The following PDE3A variants were observed in gnomAD, a reference collection of about 807,000 sequenced individuals.
The protein encoded by PDE3A is cGMP-inhibited 3',5'-cyclic phosphodiesterase 3A.
Under a neutral mutation model 98.3 loss-of-function variants are expected in PDE3A, and 43 were observed. The observed-to-expected ratio is 0.44, with a 90% CI of 0.34 to 0.56. The LOEUF (loss-of-function observed/expected upper bound fraction) is 0.56. Among genes scored for constraint, PDE3A ranks in the 20% least tolerant of loss-of-function variants. The pLI is 0.01. For synonymous variants in PDE3A, 663 were observed against 567.9 expected (o/e 1.17, Z -2.38); for missense variants, 1,427 against 1,440.7 (o/e 0.99, Z 0.15).
chr12:20,409,398 T>TTTAATAATAA (rs1944293352), intron 1 of PDE3A, among the ~76,000 whole-genome samples: 1 of 152,118 alleles, frequency 6.6e-6, no homozygotes. Flanking sequence ...TATTATTAGC[T>TTTAATAATAA]CTCTTATTTA....
At chr12:20,600,646 G>GA (rs2121406901) in intron 2 of PDE3A, among the ~76,000 whole-genome samples, 1 of 152,220 alleles carries the variant, frequency 6.6e-6, no homozygotes, top group African/African-American at 2.4e-5. Flanking sequence ...CCCAATTGTG[G>GA]AAAAATTTGT....
At chr12:20,422,737 G>T (rs1944541271) in intron 1 of PDE3A, among the ~76,000 whole-genome samples, 1 of 152,128 alleles carries the variant, frequency 6.6e-6, no homozygotes, top group Non-Finnish European at 1.5e-5. Flanking sequence ...TTGTTAAACA[G>T]CCCCAAAGGT....
Position 20,437,027 on chromosome 12 carries a change from C to A in PDE3A, c.960+66783C>A, listed in dbSNP as rs187516895. On this transcript the variant is annotated intron_variant, in intron 1 of 15. Transcript: ENST00000359062. ...TTTCCTCTTTTCTTTTTGCCTCCTG[C>A]CTGGAGTCCTGAGTAAAATTTAAGA... Among the ~76,000 whole-genome samples the A allele has an allele frequency of 1.3e-4, 19 of 145,600 alleles. No individual in the cohort carries two copies. In the East Asian group the frequency reaches 3.9e-3, roughly 30 times the overall value.
intron 1 of PDE3A, among the ~76,000 whole-genome samples, chr12:20,498,811 T>C (rs946603224): frequency 1.6e-4 from 25 of 152,068 alleles, no homozygotes; most frequent in African/African-American, 5.8e-4. Context: ...ATGATGGAAA[T>C]GTTTCTTTTC....
chr12:20,544,970 A>T (rs533972160), intron 1 of PDE3A, among the ~76,000 whole-genome samples: 3 of 152,184 alleles, frequency 2.0e-5, no homozygotes, highest in African/African-American at 7.2e-5. Flanking sequence ...AGGTACTGGG[A>T]CTATCCAAGG....
At chr12:20,504,964 A>T (rs1946088433) in intron 1 of PDE3A, among the ~76,000 whole-genome samples, 1 of 152,076 alleles carries the variant, frequency 6.6e-6, no homozygotes, top group African/African-American at 2.4e-5. Flanking sequence ...TTTTTCTGCC[A>T]GGCACTCTGA....
rs1591990044 is a variant in PDE3A, at chr12:20,496,944, A to G, written c.961-59716A>G. On this transcript the variant is annotated intron_variant, in intron 1 of 15. Coordinates refer to ENST00000359062, the MANE Select transcript of PDE3A (RefSeq NM_000921.5). ...CTTAGCAGGGAGATGAACTCAGGAA[A>G]CATAAGAGAAGTTCCATGAGGACGC... Among the ~76,000 whole-genome samples the G allele has an allele frequency of 2.0e-5, 3 of 152,206 alleles. No homozygotes were observed. The South Asian group carries it at 6.2e-4, about 31-fold the overall frequency.
chr12:20,661,940 C>G (rs1371120552), intron 15 of PDE3A, among the ~76,000 whole-genome samples: 1 of 152,068 alleles, frequency 6.6e-6, no homozygotes, highest in Admixed American at 6.5e-5. Flanking sequence ...AATGGTAGAT[C>G]CACCAACAGC....
intron 1 of PDE3A, among the ~76,000 whole-genome samples, chr12:20,444,147 C>T (rs577107729): frequency 2.6e-5 from 4 of 152,260 alleles, no homozygotes; most frequent in Admixed American, 2.6e-4. Context: ...CTTTCCCCTC[C>T]GTTGTGTAAT....
intron 1 of PDE3A, among the ~76,000 whole-genome samples, chr12:20,417,542 AG>A: frequency 6.6e-6 from 1 of 152,314 alleles, no homozygotes; most frequent in Non-Finnish European, 1.5e-5. Context: ...TGTCTGGCAA[AG>A]GTTGTTTAAA....
chr12:20,530,793 A>T (rs1946611745), intron 1 of PDE3A, among the ~76,000 whole-genome samples: 1 of 152,148 alleles, frequency 6.6e-6, no homozygotes, highest in Non-Finnish European at 1.5e-5. Context: ...AGGCCTCTTG[A>T]TCTGTACATT....
Position 20,449,828 on chromosome 12 carries a change from C to T in PDE3A, c.960+79584C>T, listed in dbSNP as rs941905527. On this transcript the variant is annotated intron_variant, in intron 1 of 15. Coordinates refer to ENST00000359062, the MANE Select transcript of PDE3A (RefSeq NM_000921.5). The stretch of plus-strand genomic sequence containing the variant: ...GGTTGCTGGCTTCCAGTTTTCAGCA[C>T]TAATTTACTGGCAGAGAGACCTGCC... 74 of 554,924 alleles carry T rather than the reference C, an allele frequency of 1.3e-4. No homozygotes were observed. The Admixed American group carries it at 2.3e-3, about 17-fold the overall frequency. 34.4% of individuals were successfully genotyped at this position (554,924 alleles called of 1,614,324 possible).
At chr12:20,549,375 C>T (rs997203820) in intron 1 of PDE3A, among the ~76,000 whole-genome samples, 2 of 149,908 alleles carry the variant, frequency 1.3e-5, no homozygotes, top group East Asian at 2.0e-4. Flanking sequence ...AGTCCCTACC[C>T]CCATCATTGC....
In PDE3A at chr12:20,637,149, C is replaced by T. The variant is rs1461669416; in HGVS notation, c.2051C>T (p.Ser684Leu). ...CCTCTTGTCATGGATAACCTGGACT[C>T]AATTATGGAGCAGCTAAATACTTGG... Reference protein sequence around the residue: ...PEPLVMDNLDSIMEQLNTWNF... With the variant: ...PEPLVMDNLDLIMEQLNTWNF... Residue 684 changes from serine (S) to leucine (L), a missense_variant, in exon 9 of 16, where the codon TCA (serine) becomes TTA (leucine). Physicochemically the swap from Ser to Leu is moderately radical, Grantham distance 145. Coordinates refer to ENST00000359062, the MANE Select transcript of PDE3A (RefSeq NM_000921.5). The T allele has an allele frequency of 1.2e-6, 2 of 1,609,744 alleles. No individual in the cohort carries two copies. Among genetic ancestry groups the T allele is most frequent in the East Asian group, 4.5e-5 (2 of 44,698 alleles).
chr12:20,452,355 C>A (rs1382597403), intron 1 of PDE3A, among the ~76,000 whole-genome samples: 3 of 152,140 alleles, frequency 2.0e-5, no homozygotes, highest in Non-Finnish European at 4.4e-5. Flanking sequence ...GTATTTTTCT[C>A]CCTTTTCTGG....
At chr12:20,677,844 C>T (rs1391436907) in intron 15 of PDE3A, among the ~76,000 whole-genome samples, 1 of 152,070 alleles carries the variant, frequency 6.6e-6, no homozygotes, top group African/African-American at 2.4e-5. Context: ...CAGGCAGTAG[C>T]ATAGTCTCTA....
intron 1 of PDE3A, among the ~76,000 whole-genome samples, chr12:20,436,445 GT>G (rs1364450568): frequency 6.6e-6 from 1 of 152,218 alleles, no homozygotes; most frequent in Non-Finnish European, 1.5e-5. Context: ...GTTCAAAAAT[GT>G]TTTTTTCCCA....
At chr12:20,370,393 TTTTTTTG>T in intron 1 of PDE3A, 149 bp downstream of exon 1, 4 of 458,518 alleles carry the variant, frequency 8.7e-6, no homozygotes, top group Non-Finnish European at 1.4e-5. Flanking sequence ...TAGCAGGTTT[TTTTTTTG>T]TTTTTTTTGT....
intron 1 of PDE3A, among the ~76,000 whole-genome samples, chr12:20,454,731 A>G (rs1591949984): frequency 6.6e-6 from 1 of 151,880 alleles, no homozygotes; most frequent in South Asian, 2.1e-4. Context: ...GTGGTATTTG[A>G]TTTTATGTTC....
Sources: allele counts gnomAD v4.1 joint callset (sites outside exome capture counted in the v4.1 genomes callset), GRCh38; gene constraint gnomAD v4.1.1; transcripts MANE v1.5; gene names NCBI Gene and HGNC (gene_info 2026-07-23, HGNC 2026-07-21).